Variants in CARMIL1 observed in about 807,000 individuals in gnomAD.
The protein encoded by CARMIL1 is capping protein regulator and myosin 1 linker 1.
Under a neutral mutation model 177.1 loss-of-function variants are expected in CARMIL1, and 90 were observed. The ratio of observed to expected loss-of-function variants is 0.51; its 90% confidence interval spans 0.43 to 0.61. The LOEUF is 0.61. Among genes scored for constraint, CARMIL1 ranks in the 20% least tolerant of loss-of-function variants. The pLI, the probability that CARMIL1 is intolerant of heterozygous loss-of-function variation, is 0.00. For missense variants in CARMIL1, 1,380 were observed against 1,667.0 expected, an observed-to-expected ratio of 0.83 and a Z score of 3.00; for synonymous variants, 577 against 606.2, an observed-to-expected ratio of 0.95 and a Z score of 0.71.
At chr6:25,604,203 G>C (rs1433967953) in intron 33 of CARMIL1, among the ~76,000 whole-genome samples, 1 of 152,128 alleles carries the variant, frequency 6.6e-6, no homozygotes, top group Non-Finnish European at 1.5e-5. Context: ...TCAGCCTCCT[G>C]AGTAGCTGGG....
intron 2 of CARMIL1, among the ~76,000 whole-genome samples, chr6:25,372,899 T>C (rs1790563098): frequency 6.6e-6 from 1 of 152,168 alleles, no homozygotes; most frequent in Non-Finnish European, 1.5e-5. Context: ...TGGCTTTTAT[T>C]ATTTTGAACT....
intron 5 of CARMIL1, among the ~76,000 whole-genome samples, chr6:25,437,969 T>G (rs1181520911): frequency 6.6e-6 from 1 of 152,242 alleles, no homozygotes; most frequent in Admixed American, 6.5e-5. Context: ...CTTTTCATAA[T>G]TCAAACAGTA....
chr6:25,280,233 TCCGGGAAAGC>T (rs1780966158), intron 1 of CARMIL1, among the ~76,000 whole-genome samples: 2 of 151,994 alleles, frequency 1.3e-5, no homozygotes, highest in Non-Finnish European at 2.9e-5. Context: ...CTCGGGAAAG[TCCGGGAAAGC>T]CTATTGGAAG....
chr6:25,449,166 C>T (rs1798539559), intron 5 of CARMIL1, among the ~76,000 whole-genome samples: 2 of 152,194 alleles, frequency 1.3e-5, no homozygotes, highest in African/African-American at 4.8e-5. Context: ...GCTGGAATTA[C>T]AGGCTCAGCC....
At chr6:25,346,648 A>T (rs774219998) in intron 2 of CARMIL1, among the ~76,000 whole-genome samples, 1 of 152,120 alleles carries the variant, frequency 6.6e-6, no homozygotes, top group East Asian at 1.9e-4. Context: ...TGTTTTGCTC[A>T]TTGCTTATTC....
intron 32 of CARMIL1, among the ~76,000 whole-genome samples, chr6:25,597,533 T>C (rs978128497): frequency 6.6e-6 from 1 of 152,210 alleles, no homozygotes; most frequent in African/African-American, 2.4e-5. Context: ...ATCTCCTAAA[T>C]CTCCAGTAAG....
intron 12 of CARMIL1, among the ~76,000 whole-genome samples, chr6:25,485,938 TA>T (rs36113795): frequency 0.21 from 29,805 of 142,292 alleles, 3,192 homozygotes; most frequent in East Asian, 0.29. Context: ...CAAGACAGAT[TA>T]AAAAAAAAAA....
chr6:25,452,911 G>A (rs781302134), intron 8 of CARMIL1, among the ~76,000 whole-genome samples: 2 of 152,158 alleles, frequency 1.3e-5, no homozygotes, highest in African/African-American at 2.4e-5. Flanking sequence ...AAGATAAGTT[G>A]CAATGTAGAA....
At chr6:25,405,936 A>T (rs1022410226) in intron 2 of CARMIL1, among the ~76,000 whole-genome samples, 1 of 152,164 alleles carries the variant, frequency 6.6e-6, no homozygotes, top group African/African-American at 2.4e-5. Context: ...GAATTTTCAG[A>T]GGTGGAAATA....
At chr6:25,280,863 G>C (rs1003795485) in intron 1 of CARMIL1, among the ~76,000 whole-genome samples, 3 of 152,032 alleles carry the variant, frequency 2.0e-5, no homozygotes, top group South Asian at 2.1e-4. Flanking sequence ...TGTTTAATCG[G>C]CGCTGACAAC....
intron 17 of CARMIL1, among the ~76,000 whole-genome samples, chr6:25,502,724 C>T (rs1804517819): frequency 6.6e-6 from 1 of 152,144 alleles, no homozygotes; most frequent in East Asian, 1.9e-4. Context: ...CATAAGTGAT[C>T]ATCTGGTTCC....
In CARMIL1 at chr6:25,594,397, C is replaced by T. The variant is rs750023377; in HGVS notation, c.3007-18C>T. 3 of 1,474,234 alleles carry T rather than the reference C, an allele frequency of 2.0e-6. No individual in the cohort carries two copies. The highest frequency in any genetic ancestry group is 2.8e-6 in the Non-Finnish European group (3 of 1,059,718). 91.3% of individuals were successfully genotyped at this position (1,474,234 alleles called of 1,614,324 possible). ...TCAAGGTGCATGTGAATTAACATTA[C>T]ATCTGTTTGTTTTGCAGGTCTGTGC... On this transcript the variant is annotated intron_variant, in intron 31 of 36. Transcript: ENST00000329474.
intron 8 of CARMIL1, among the ~76,000 whole-genome samples, chr6:25,454,943 G>T (rs1799354120): frequency 6.6e-6 from 1 of 152,200 alleles, no homozygotes; most frequent in Non-Finnish European, 1.5e-5. Flanking sequence ...GTGAGTTATG[G>T]AGAGGAGGAA....
rs1805854856 is a variant in CARMIL1 at position 25,515,235 on chromosome 6, C to A, written c.1633-440C>A. Among the ~76,000 whole-genome samples the A allele has an allele frequency of 6.6e-6, 1 of 152,066 alleles. No individual in the cohort carries two copies. The highest frequency in any genetic ancestry group is 2.4e-5 in the African/African-American group (1 of 41,374). On this transcript the variant is annotated intron_variant, in intron 20 of 36. Coordinates refer to ENST00000329474, the MANE Select transcript of CARMIL1 (RefSeq NM_017640.6). The surrounding 1 kb of genome is among the most constrained non-coding windows in gnomAD (Gnocchi z 5.0). ...ATAGTAATTGTTCAATAATTGTCAG[C>A]TATTATTAATCCTGGCTGGCTTTTA...
chr6:25,556,962 C>A, intron 29 of CARMIL1, 112 bp downstream of exon 29: 2 of 1,079,994 alleles, frequency 1.9e-6, no homozygotes, highest in Non-Finnish European at 2.7e-6. Flanking sequence ...AAACACTGTC[C>A]CCACCCTCAG....
At chr6:25,450,084 A>G in intron 6 of CARMIL1, 89 bp downstream of exon 6, 1 of 1,109,028 alleles carries the variant, frequency 9.0e-7, no homozygotes. Flanking sequence ...GTGCTACTGT[A>G]AAGGTGCAAT....
chr6:25,595,457 T>C (rs1008807662), intron 32 of CARMIL1, among the ~76,000 whole-genome samples: 2 of 152,204 alleles, frequency 1.3e-5, no homozygotes, highest in African/African-American at 4.8e-5. Flanking sequence ...CTGAATCTTA[T>C]AACCTTTAGG....
At chr6:25,332,775 GCA>G (rs1441062522) in intron 2 of CARMIL1, among the ~76,000 whole-genome samples, 2,355 of 137,242 alleles carry the variant, frequency 0.017, 49 homozygotes, top group East Asian at 0.069. Context: ...ACACACACGC[GCA>G]CACACACACA....
rs546685899 is a variant in CARMIL1, at chr6:25,560,408, G to A, written c.2742+3558G>A. 2.6e-5 allele frequency among the ~76,000 whole-genome samples: 4 copies of A among 152,198 alleles called. No individual in the cohort carries two copies. In the South Asian group the frequency reaches 8.3e-4, roughly 32 times the overall value. Reference sequence around the variant, plus strand: ...GTGTCTACTCTCTTAGCCCCCGAGAGTCTGACATCTCCTTAACTGCAGGGC... The same window carrying A: ...GTGTCTACTCTCTTAGCCCCCGAGAATCTGACATCTCCTTAACTGCAGGGC... On this transcript the variant is annotated intron_variant, in intron 29 of 36. Coordinates refer to ENST00000329474, the MANE Select transcript of CARMIL1 (RefSeq NM_017640.6).
Sources: gnomAD v4.1 joint callset for allele counts (sites outside exome capture counted in the v4.1 genomes callset) on GRCh38, gnomAD v4.1.1 for gene constraint, Gnocchi (gnomAD v3.1) non-coding constraint, MANE v1.5 for transcripts, NCBI Gene and HGNC (gene_info 2026-07-23, HGNC 2026-07-21) for gene names.